Variants in GPR158 observed in about 807,000 individuals in gnomAD.
GPR158 encodes the protein G protein-coupled receptor 158.
Under a neutral mutation model 78.2 loss-of-function variants are expected in GPR158, and 30 were observed. That is an observed-to-expected ratio of 0.38 (90% CI 0.29 to 0.52). The LOEUF is 0.52. Among genes scored for constraint, GPR158 ranks in the 20% least tolerant of loss-of-function variants. GPR158 has a pLI of 0.83. For synonymous variants in GPR158, 581 were observed against 591.1 expected (o/e 0.98, Z 0.25); for missense variants, 1,463 against 1,523.5 (o/e 0.96, Z 0.66).
intron 4 of GPR158, among the ~76,000 whole-genome samples, chr10:25,425,879 C>T (rs930524129): frequency 2.0e-5 from 3 of 152,074 alleles, no homozygotes; most frequent in African/African-American, 7.2e-5. Flanking sequence ...AGAAGCAGAT[C>T]AAGATTGTGC....
chr10:25,175,413 G>A lies in GPR158; in HGVS notation c.-8G>A. 2.7e-6 allele frequency: 4 copies of A among 1,507,048 alleles called. No homozygotes were observed. The highest frequency in any genetic ancestry group is 3.6e-6 in the Non-Finnish European group (4 of 1,122,174). The allele number at this position is 1,507,048 out of a possible 1,614,324, so 93.4% of individuals were successfully genotyped here. A position where few individuals can be genotyped will look rare whatever the true frequency, so the allele number is the denominator to read the frequency against. On this transcript the variant is annotated 5_prime_UTR_variant, in exon 1 of 11. Transcript: ENST00000376351. This position sits in a 1 kb window ranked among gnomAD's most constrained non-coding sequence, Gnocchi z 6.4. ...CTCCCGTTCCCTCCTCTTCTCTCTGGGAGGCAGATGGGAGCCATGGCTTAC... is the reference window on the plus strand; with the variant it reads ...CTCCCGTTCCCTCCTCTTCTCTCTGAGAGGCAGATGGGAGCCATGGCTTAC...
At chr10:25,402,386 G>A (rs540202883) in intron 3 of GPR158, among the ~76,000 whole-genome samples, 20 of 152,132 alleles carry the variant, frequency 1.3e-4, no homozygotes, top group Non-Finnish European at 2.4e-4. Flanking sequence ...AAAAGTAGCC[G>A]CAAAGGACAT....
chr10:25,370,436 A>C (rs1833970308), intron 2 of GPR158, among the ~76,000 whole-genome samples: 1 of 52,752 alleles, frequency 1.9e-5, no homozygotes, highest in Non-Finnish European at 5.2e-5. Context: ...CCCAGTAGTC[A>C]TTCAGGATCA....
intron 2 of GPR158, among the ~76,000 whole-genome samples, chr10:25,384,677 T>C (rs896992988): frequency 7.4e-5 from 10 of 134,308 alleles, no homozygotes; most frequent in Non-Finnish European, 1.3e-4. Flanking sequence ...ATAAATGTGG[T>C]TTTTCGGCAC....
chr10:25,465,419 G>A (rs1835408351), intron 4 of GPR158, among the ~76,000 whole-genome samples: 1 of 152,078 alleles, frequency 6.6e-6, no homozygotes, highest in African/African-American at 2.4e-5. Flanking sequence ...GATTTTACTG[G>A]TCTTTTATTT....
intron 2 of GPR158, among the ~76,000 whole-genome samples, chr10:25,245,916 T>C (rs1312296550): frequency 6.6e-6 from 1 of 152,264 alleles, no homozygotes; most frequent in Non-Finnish European, 1.5e-5. Context: ...CATTATTTGT[T>C]ATTATTGAAA....
At chr10:25,526,833 A>G (rs890286579) in intron 5 of GPR158, among the ~76,000 whole-genome samples, 1 of 152,206 alleles carries the variant, frequency 6.6e-6, no homozygotes, top group Non-Finnish European at 1.5e-5. Flanking sequence ...AGAGAGACTC[A>G]GGGCTTTGGA....
At position 25,176,409 on chromosome 10, in the gene GPR158, C is replaced by G; in HGVS notation, c.902+87C>G. On this transcript the variant is annotated intron_variant, in intron 1 of 10. Transcript: ENST00000376351. The surrounding 1 kb of genome is among the most constrained non-coding windows in gnomAD (Gnocchi z 6.3). ...GTGGGTGCACGTGTGAGGAAGGAAC[C>G]CTTGGCTGTGACGCGAACGCTTCTC... 4.7e-6 allele frequency: 5 copies of G among 1,054,424 alleles called. No individual in the cohort carries two copies. Among genetic ancestry groups the G allele is most frequent in the Non-Finnish European group, 6.7e-6 (5 of 742,328 alleles). 65.3% of individuals were successfully genotyped at this position (1,054,424 alleles called of 1,614,324 possible). A position where few individuals can be genotyped will look rare whatever the true frequency, so the allele number is the denominator to read the frequency against.
intron 2 of GPR158, among the ~76,000 whole-genome samples, chr10:25,241,176 T>TCTTTC (rs1554787131): frequency 1.2e-4 from 12 of 96,448 alleles, no homozygotes; most frequent in South Asian, 3.2e-4. Flanking sequence ...TTTCTTTCTT[T>TCTTTC]CTTTCTTTCT....
intron 2 of GPR158, among the ~76,000 whole-genome samples, chr10:25,312,324 G>A (rs1000483807): frequency 5.3e-5 from 8 of 151,924 alleles, no homozygotes; most frequent in African/African-American, 1.5e-4. Flanking sequence ...ATGTTGATAC[G>A]TTTAACCCAA....
At chr10:25,289,136 A>G (rs1326908295) in intron 2 of GPR158, among the ~76,000 whole-genome samples, 1 of 152,206 alleles carries the variant, frequency 6.6e-6, no homozygotes, top group African/African-American at 2.4e-5. Flanking sequence ...GTGTATGAAG[A>G]TCATTCATTT....
In GPR158 at chr10:25,513,408, TTC is replaced by T. The variant is rs573985847; in HGVS notation, c.1405-37562_1405-37561del. Among the ~76,000 whole-genome samples, 349 of 152,178 alleles carry T rather than the reference TTC, an allele frequency of 2.3e-3. 1 individual carries two copies. Among genetic ancestry groups the T allele is most frequent in the African/African-American group, 7.0e-3 (291 of 41,578 alleles). ...ATTTCTAATTGAGCTTATTTGGATC[TTC>T]TCTCTTGTTTTCTTGGTTAATCTCA... is the stretch of plus-strand genomic sequence containing the variant. On this transcript the variant is annotated intron_variant, in intron 5 of 10. Coordinates refer to ENST00000376351, the MANE Select transcript of GPR158 (RefSeq NM_020752.3).
At chr10:25,290,610 G>A (rs920728408) in intron 2 of GPR158, among the ~76,000 whole-genome samples, 3 of 152,088 alleles carry the variant, frequency 2.0e-5, no homozygotes, top group African/African-American at 7.2e-5. Context: ...AGAAAATGTA[G>A]GCCTTTGTCA....
intron 2 of GPR158, among the ~76,000 whole-genome samples, chr10:25,339,141 T>C (rs1203177881): frequency 6.6e-6 from 1 of 151,536 alleles, no homozygotes; most frequent in Non-Finnish European, 1.5e-5. Context: ...TGCACCACCA[T>C]GCCTGGCCAG....
intron 6 of GPR158, among the ~76,000 whole-genome samples, chr10:25,569,245 C>A (rs2130728948): frequency 6.7e-6 from 1 of 150,286 alleles, no homozygotes; most frequent in Admixed American, 6.7e-5. Flanking sequence ...AAAGGGCCAT[C>A]TAGAAAACAT....
chr10:25,506,717 C>T (rs1836018016), intron 5 of GPR158, among the ~76,000 whole-genome samples: 1 of 152,202 alleles, frequency 6.6e-6, no homozygotes. Flanking sequence ...AAAATCCATA[C>T]AGGCCCAGCC....
chr10:25,339,396 GTTTC>G (rs1197637477), intron 2 of GPR158, among the ~76,000 whole-genome samples: 3 of 152,034 alleles, frequency 2.0e-5, no homozygotes, highest in African/African-American at 4.8e-5. Flanking sequence ...AGTTCTAATA[GTTTC>G]TTTGTGATTC....
chr10:25,236,782 A>G (rs1331015086), intron 2 of GPR158, among the ~76,000 whole-genome samples: 1 of 152,094 alleles, frequency 6.6e-6, no homozygotes, highest in Non-Finnish European at 1.5e-5. Context: ...TACATTGTAC[A>G]TGTTTCTACT....
At chr10:25,279,187 G>GCTA (rs1004782287) in intron 2 of GPR158, among the ~76,000 whole-genome samples, 70 of 152,130 alleles carry the variant, frequency 4.6e-4, no homozygotes, top group African/African-American at 1.6e-3. Context: ...TGATGCTGCT[G>GCTA]CTACTACTAC....
Sources: gnomAD v4.1 joint callset for allele counts (sites outside exome capture counted in the v4.1 genomes callset) on GRCh38, gnomAD v4.1.1 for gene constraint, Gnocchi (gnomAD v3.1) non-coding constraint, MANE v1.5 for transcripts, NCBI Gene and HGNC (gene_info 2026-07-23, HGNC 2026-07-21) for gene names.